The following LARS1 variants were observed in gnomAD, a reference collection of about 807,000 sequenced individuals.
LARS1 encodes leucine--tRNA ligase, cytoplasmic.
LARS1 carries 100 observed loss-of-function variants against 162.8 expected under a neutral mutation model. The ratio of observed to expected loss-of-function variants is 0.61; its 90% CI spans 0.52 to 0.73. The LOEUF (loss-of-function observed/expected upper bound fraction) is 0.73. LARS1 is among the 30% of genes least tolerant of loss of function. The pLI, the probability that LARS1 is intolerant of heterozygous loss-of-function variation, is 0.00. For missense variants in LARS1, 1,258 were observed against 1,408.9 expected, an observed-to-expected ratio of 0.89 and a Z score of 1.71; for synonymous variants, 457 against 462.8, an observed-to-expected ratio of 0.99 and a Z score of 0.16.
In LARS1 at chr5:146,157,614, T is replaced by C. The variant is rs766173563; in HGVS notation, c.854A>G (p.Lys285Arg). 2.5e-6 allele frequency: 4 copies of C among 1,614,070 alleles called. No homozygotes were observed. In the African/African-American group the frequency reaches 4.0e-5, roughly 16 times the overall value. Reference sequence around the variant, plus strand: ...AGTAGCAGCCACCAAGAAAATATTTTTACCTTTCAGGCCACTGAGAAAAAA... The same window carrying C: ...AGTAGCAGCCACCAAGAAAATATTTCTACCTTTCAGGCCACTGAGAAAAAA... ...YPSKLSGLKG[K>R]NIFLVAATLR... Residue 285 changes from lysine to arginine, a missense_variant, in exon 10 of 32, where the codon AAA becomes AGA. Physicochemically the swap from Lys to Arg is conservative, Grantham distance 26. Transcript: ENST00000394434.
intron 20 of LARS1, among the ~76,000 whole-genome samples, chr5:146,142,314 G>A (rs556777246): frequency 1.2e-4 from 19 of 152,176 alleles, no homozygotes; most frequent in African/African-American, 2.4e-4. Context: ...CAAAATCTTC[G>A]TTTTATTGTT....
At position 146,182,593 on chromosome 5, in the gene LARS1, C is replaced by T; in HGVS notation, c.-100G>A. The T allele has an allele frequency of 6.7e-7, 1 of 1,500,638 alleles. No individual in the cohort carries two copies. The highest frequency in any genetic ancestry group is 9.3e-7 in the Non-Finnish European group (1 of 1,077,236). The allele number at this position is 1,500,638 out of a possible 1,614,324, so 93.0% of individuals were successfully genotyped here. ...CCTCCCTCTCGGGGATGCCAGGCCT[C>T]CCACGAAACTAAAGCACACGCTTCA... On this transcript the variant is annotated 5_prime_UTR_variant, in exon 1 of 32. Coordinates refer to ENST00000394434, the MANE Select transcript of LARS1 (RefSeq NM_020117.11).
At chr5:146,140,516 T>C (rs1401278783) in intron 20 of LARS1, among the ~76,000 whole-genome samples, 1 of 152,148 alleles carries the variant, frequency 6.6e-6, no homozygotes, top group African/African-American at 2.4e-5. Context: ...ATCTTAAAAA[T>C]ATATGTGAAG....
Position 146,149,691 on chromosome 5 carries a change from C to T in LARS1, c.1434G>A (p.Leu478=), listed in dbSNP as rs758786116. ...CCTTCTGTCCTTTAAATCCATCCAC[C>T]AACATGATCTAAAAGGATGAGAGGG... ...YLKGFYEGIM[L]VDGFKGQKVQ... is the part of the protein sequence containing the mutation. The change falls in exon 15 of 32, where the codon TTG becomes TTA. Residue 478 remains leucine, a synonymous_variant. Coordinates refer to ENST00000394434, the MANE Select transcript of LARS1 (RefSeq NM_020117.11). 61 of 1,609,420 alleles carry T rather than the reference C, an allele frequency of 3.8e-5. No individual in the cohort carries two copies. The highest frequency in any genetic ancestry group is 8.9e-5 in the East Asian group (4 of 44,800).
chr5:146,176,110 C>T (rs1754549857), intron 2 of LARS1, among the ~76,000 whole-genome samples: 1 of 152,068 alleles, frequency 6.6e-6, no homozygotes, highest in Non-Finnish European at 1.5e-5. Context: ...TATGACTGTG[C>T]CACTGCACTC....
chr5:146,129,338 G>T (rs1299865498), intron 25 of LARS1, among the ~76,000 whole-genome samples: 1 of 152,058 alleles, frequency 6.6e-6, no homozygotes, highest in Non-Finnish European at 1.5e-5. Flanking sequence ...GCATCCATTT[G>T]TACAAGCATA....
intron 15 of LARS1, among the ~76,000 whole-genome samples, chr5:146,146,972 A>C (rs922290990): frequency 1.3e-5 from 2 of 152,036 alleles, no homozygotes; most frequent in Non-Finnish European, 2.9e-5. Context: ...TCAGCCTCCC[A>C]AAGTACTGGG....
At chr5:146,125,557 T>C (rs2126395527) in intron 28 of LARS1, among the ~76,000 whole-genome samples, 1 of 152,104 alleles carries the variant, frequency 6.6e-6, no homozygotes, top group East Asian at 1.9e-4. Flanking sequence ...ACTATTTTAT[T>C]TACTCCTCAC....
At position 146,141,310 on chromosome 5, in the gene LARS1, C is replaced by A. The variant is rs924991800; in HGVS notation, c.2091-1049G>T. 4.0e-4 allele frequency among the ~76,000 whole-genome samples: 61 copies of A among 151,848 alleles called. 1 individual carries two copies. The highest frequency in any genetic ancestry group is 4.0e-3 in the Admixed American group (61 of 15,222). On this transcript the variant is annotated intron_variant, in intron 20 of 31. Coordinates refer to ENST00000394434, the MANE Select transcript of LARS1 (RefSeq NM_020117.11). ...AGACATGGATATTAAAGACCTTCCT[C>A]GAAAAGCTATAGTAAAAAGAGTTAT...
At chr5:146,149,725 C>G in intron 14 of LARS1, 26 bp from the exon 15 acceptor site, 1 of 1,535,704 alleles carries the variant, frequency 6.5e-7, no homozygotes, top group Non-Finnish European at 9.0e-7. Context: ...GGGAGAAAAA[C>G]CACATATAAA....
intron 21 of LARS1, 65 bp downstream of exon 21, chr5:146,140,139 G>T: frequency 1.6e-6 from 2 of 1,241,296 alleles, no homozygotes; most frequent in Non-Finnish European, 2.4e-6. Flanking sequence ...AAAAAAAAGT[G>T]CAACAACCTA....
At chr5:146,169,497 C>A (rs1278915792) in intron 4 of LARS1, among the ~76,000 whole-genome samples, 3 of 151,672 alleles carry the variant, frequency 2.0e-5, no homozygotes, top group African/African-American at 7.3e-5. Context: ...TATTGAGTAA[C>A]AGGACATTCA....
chr5:146,116,861 T>A (rs1751568679), intron 31 of LARS1, among the ~76,000 whole-genome samples: 1 of 152,202 alleles, frequency 6.6e-6, no homozygotes, highest in Non-Finnish European at 1.5e-5. Context: ...ATTGGACAAT[T>A]TGCTGTCTAT....
intron 15 of LARS1, among the ~76,000 whole-genome samples, chr5:146,146,406 C>A (rs1753010256): frequency 6.9e-6 from 1 of 145,128 alleles, no homozygotes; most frequent in South Asian, 2.2e-4. Context: ...AGAAGAGCAC[C>A]AACTAAAGTC....
chr5:146,180,542 C>T (rs1012235547), intron 1 of LARS1, among the ~76,000 whole-genome samples: 5 of 152,002 alleles, frequency 3.3e-5, no homozygotes, highest in African/African-American at 1.2e-4. Context: ...AAAATATGAT[C>T]ATGTCACCCA....
intron 31 of LARS1, among the ~76,000 whole-genome samples, chr5:146,115,214 A>G (rs1449214278): frequency 6.6e-6 from 1 of 152,112 alleles, no homozygotes; most frequent in African/African-American, 2.4e-5. Context: ...ATTATCCTAT[A>G]TGGTCTCTCA....
At chr5:146,141,894 C>A (rs1411934952) in intron 20 of LARS1, among the ~76,000 whole-genome samples, 7 of 152,114 alleles carry the variant, frequency 4.6e-5, no homozygotes, top group Non-Finnish European at 4.4e-5. Context: ...GGCACGGTGG[C>A]TCATGCCTGT....
intron 30 of LARS1, among the ~76,000 whole-genome samples, chr5:146,121,473 T>C (rs1183828401): frequency 6.6e-6 from 1 of 152,110 alleles, no homozygotes; most frequent in Non-Finnish European, 1.5e-5. Context: ...ATCCCATTAT[T>C]GGGTATATAC....
chr5:146,143,262 T>C (rs561068646), intron 19 of LARS1, 150 bp downstream of exon 19: 1 of 1,008,134 alleles, frequency 9.9e-7, no homozygotes, highest in African/African-American at 1.6e-5. Flanking sequence ...AGGGGCTATT[T>C]ATTAATTTTT....
Sources: allele counts gnomAD v4.1 joint callset (sites outside exome capture counted in the v4.1 genomes callset), GRCh38; gene constraint gnomAD v4.1.1; transcripts MANE v1.5; gene names NCBI Gene and HGNC (gene_info 2026-07-23, HGNC 2026-07-21).